DRC11: variants seen among roughly 807,000 people sequenced by gnomAD.
The protein encoded by DRC11 is IQ and AAA domain-containing protein 1.
chr2:236,478,759 G>A, the DRC11 span, among the ~76,000 whole-genome samples: 1 of 150,564 alleles, frequency 6.6e-6, no homozygotes, highest in Admixed American at 6.6e-5. The surrounding 1 kb of genome is among the most constrained non-coding windows in gnomAD (Gnocchi z 5.9). Flanking sequence ...TTATCTTGCT[G>A]AATTGACCCC....
the DRC11 span, among the ~76,000 whole-genome samples, chr2:236,483,205 C>T: frequency 3.3e-5 from 5 of 152,144 alleles, no homozygotes; most frequent in Admixed American, 2.0e-4. The surrounding 1 kb of genome is among the most constrained non-coding windows in gnomAD (Gnocchi z 4.8). Flanking sequence ...TGTTGCAGCA[C>T]GTGTCAGAAT....
the DRC11 span, among the ~76,000 whole-genome samples, chr2:236,447,263 C>T: frequency 6.6e-6 from 1 of 151,700 alleles, no homozygotes; most frequent in African/African-American, 2.4e-5. The surrounding 1 kb of genome is among the most constrained non-coding windows in gnomAD (Gnocchi z 4.6). Context: ...AACAGAATCA[C>T]TGCAGAAGGA....
the DRC11 span, among the ~76,000 whole-genome samples, chr2:236,389,730 A>AT: frequency 6.6e-6 from 1 of 151,768 alleles, no homozygotes; most frequent in East Asian, 1.9e-4. Flanking sequence ...TTCCCTGCGA[A>AT]TTTTTTTCTT....
At chr2:236,308,778 A>G in the DRC11 span, among the ~76,000 whole-genome samples, 3 of 152,348 alleles carry the variant, frequency 2.0e-5, no homozygotes, top group African/African-American at 7.2e-5. The surrounding 1 kb of genome is among the most constrained non-coding windows in gnomAD (Gnocchi z 6.0). Context: ...GGTTGATACC[A>G]TATCTTGACT....
chr2:236,311,433 T>A, the DRC11 span, among the ~76,000 whole-genome samples: 1 of 152,204 alleles, frequency 6.6e-6, no homozygotes, highest in Non-Finnish European at 1.5e-5. This position sits in a 1 kb window ranked among gnomAD's most constrained non-coding sequence, Gnocchi z 6.9. Context: ...TGCTCCTGTG[T>A]CTTATCAAGA....
chr2:236,420,561 G>A, the DRC11 span, among the ~76,000 whole-genome samples: 2 of 152,128 alleles, frequency 1.3e-5, no homozygotes, highest in Non-Finnish European at 2.9e-5. This position sits in a 1 kb window ranked among gnomAD's most constrained non-coding sequence, Gnocchi z 4.8. Flanking sequence ...GGCGAGAGGT[G>A]AAGCATGTGT....
At chr2:236,377,270 C>G in the DRC11 span, 1 of 761,464 alleles carries the variant, frequency 1.3e-6, no homozygotes. This position sits in a 1 kb window ranked among gnomAD's most constrained non-coding sequence, Gnocchi z 4.9. Flanking sequence ...ACGCGGAGAA[C>G]TTAAACCAGA....
the DRC11 span, among the ~76,000 whole-genome samples, chr2:236,389,197 G>A: frequency 5.3e-5 from 8 of 152,282 alleles, no homozygotes; most frequent in South Asian, 8.3e-4. Flanking sequence ...CACCCAGTTC[G>A]AGCTTCCCGG....
the DRC11 span, among the ~76,000 whole-genome samples, chr2:236,476,321 G>A: frequency 3.3e-5 from 5 of 151,674 alleles, no homozygotes; most frequent in African/African-American, 7.3e-5. This position sits in a 1 kb window ranked among gnomAD's most constrained non-coding sequence, Gnocchi z 4.7. Flanking sequence ...CATATTTTTT[G>A]TAGCTACTGT....
At chr2:236,399,395 A>T in the DRC11 span, 3 of 1,605,588 alleles carry the variant, frequency 1.9e-6, no homozygotes, top group Non-Finnish European at 2.6e-6. This position sits in a 1 kb window ranked among gnomAD's most constrained non-coding sequence, Gnocchi z 7.0. Flanking sequence ...GTGACCATGC[A>T]CGTTCTCCTA....
chr2:236,408,569 A>C, the DRC11 span: 1 of 726,716 alleles, frequency 1.4e-6, no homozygotes, highest in Non-Finnish European at 2.6e-6. The surrounding 1 kb of genome is among the most constrained non-coding windows in gnomAD (Gnocchi z 5.5). Flanking sequence ...GGAAGCAGGT[A>C]TATGTGGGTG....
At chr2:236,506,345 T>C in the DRC11 span, among the ~76,000 whole-genome samples, 3 of 152,348 alleles carry the variant, frequency 2.0e-5, no homozygotes, top group East Asian at 5.8e-4. The surrounding 1 kb of genome is among the most constrained non-coding windows in gnomAD (Gnocchi z 4.9). Context: ...GTCTCGCTCC[T>C]GAACCCAAGA....
the DRC11 span, among the ~76,000 whole-genome samples, chr2:236,339,611 C>T: frequency 2.7e-4 from 41 of 152,226 alleles, no homozygotes; most frequent in African/African-American, 8.9e-4. Flanking sequence ...GGGTCCAACT[C>T]TTTCTTTTGC....
the DRC11 span, among the ~76,000 whole-genome samples, chr2:236,378,469 T>C: frequency 6.0e-5 from 9 of 150,654 alleles, no homozygotes; most frequent in African/African-American, 2.0e-4. Context: ...AAGTCAGGAG[T>C]TCAAGCCAGG....
chr2:236,392,003 T>C, the DRC11 span: 3 of 1,613,898 alleles, frequency 1.9e-6, no homozygotes, highest in African/African-American at 2.7e-5. This position sits in a 1 kb window ranked among gnomAD's most constrained non-coding sequence, Gnocchi z 5.1. Flanking sequence ...CTGCTTTCAC[T>C]GGGCGCTCCC....
At chr2:236,416,747 ATATATATATATATATATATAT>A in the DRC11 span, among the ~76,000 whole-genome samples, 10 of 56,076 alleles carry the variant, frequency 1.8e-4, no homozygotes, top group African/African-American at 5.4e-4. Flanking sequence ...ATATATATAT[ATATATATATATATATATATAT>A]AAATAATTTT....
the DRC11 span, chr2:236,331,667 G>A: frequency 8.7e-7 from 1 of 1,147,416 alleles, no homozygotes; most frequent in African/African-American, 1.5e-5. The surrounding 1 kb of genome is among the most constrained non-coding windows in gnomAD (Gnocchi z 4.8). Flanking sequence ...TTCCCTCTCG[G>A]TTGAAAGTTG....
chr2:236,382,123 A>G, the DRC11 span, among the ~76,000 whole-genome samples: 2 of 152,178 alleles, frequency 1.3e-5, no homozygotes, highest in African/African-American at 4.8e-5. Flanking sequence ...TTTTTATATA[A>G]TGTGTGAGAC....
the DRC11 span, among the ~76,000 whole-genome samples, chr2:236,371,092 C>A: frequency 1.3e-5 from 2 of 152,176 alleles, no homozygotes; most frequent in East Asian, 1.9e-4. This position sits in a 1 kb window ranked among gnomAD's most constrained non-coding sequence, Gnocchi z 5.1. Flanking sequence ...GTGGAGACAT[C>A]CATCCGGGCA....
Sources: allele counts gnomAD v4.1 joint callset (sites outside exome capture counted in the v4.1 genomes callset), GRCh38; gene constraint gnomAD v4.1.1; non-coding constraint Gnocchi (gnomAD v3.1); transcripts MANE v1.5; gene names NCBI Gene and HGNC (gene_info 2026-07-23, HGNC 2026-07-21).